Variants in MSR1 observed in about 807,000 individuals in gnomAD.
The protein encoded by MSR1 is macrophage scavenger receptor types I and II.
In MSR1, 53 loss-of-function variants were observed where a neutral mutation model predicts 47.2. That is an observed-to-expected ratio of 1.12 (90% CI 0.90 to 1.41). The LOEUF is 1.41. Among genes scored for constraint, MSR1 ranks in the 40% most tolerant of loss-of-function variants. The pLI is 0.00. For missense variants in MSR1, 786 were observed against 546.9 expected, an observed-to-expected ratio of 1.44 and a Z score of -4.36; for synonymous variants, 239 against 185.6, an observed-to-expected ratio of 1.29 and a Z score of -2.34.
rs1799687663 is a variant in MSR1 at position 16,108,629 on chromosome 8, T to TTCTC, written c.*1452_*1455dup. On this transcript the variant is annotated 3_prime_UTR_variant, in exon 10 of 10. Transcript: ENST00000262101. Reference sequence around the variant, plus strand: ...ACAGAAAGTGTACATTCAGAATTCATTCTCTTAACCACAAAATTATGCTGC... The same window carrying TTCTC: ...ACAGAAAGTGTACATTCAGAATTCATTCTCTCTCTTAACCACAAAATTATGCTGC... 6.6e-6 allele frequency: 1 copy of TTCTC among 152,166 alleles called. No homozygotes were observed. The highest frequency in any genetic ancestry group is 6.5e-5 in the Admixed American group (1 of 15,278). 9.4% of individuals were successfully genotyped at this position (152,166 alleles called of 1,614,324 possible).
rs762971317 is a variant in MSR1 at position 16,168,718 on chromosome 8, T to C, written c.370A>G (p.Arg124Gly). 1 of 1,614,196 alleles carries C rather than the reference T, an allele frequency of 6.2e-7. No individual in the cohort carries two copies. The highest frequency in any genetic ancestry group is 8.5e-7 in the Non-Finnish European group (1 of 1,180,024). ...TCCATGTCTAAAATATGCTGGATTCTCTTCTCCATGTTGCTCATGTGTTCC... is the reference window on the plus strand; with the variant it reads ...TCCATGTCTAAAATATGCTGGATTCCCTTCTCCATGTTGCTCATGTGTTCC... ...FMEHMSNMEK[R>G]IQHILDMEAN... Residue 124 changes from arginine to glycine, a missense_variant, in exon 4 of 10, where the codon AGA (arginine) becomes GGA (glycine). Coordinates refer to ENST00000262101, the MANE Select transcript of MSR1 (RefSeq NM_138715.3).
intron 1 of MSR1, among the ~76,000 whole-genome samples, chr8:16,189,475 A>AT (rs1554476529): frequency 3.4e-3 from 1 of 294 alleles, no homozygotes; most frequent in Non-Finnish European, 7.2e-3. Context: ...TATTTTATAT[A>AT]TTTTATATAT....
At chr8:16,139,268 CA>C in intron 8 of MSR1, 1 of 984,420 alleles carries the variant, frequency 1.0e-6, no homozygotes, top group Non-Finnish European at 1.2e-6. Context: ...TGCATTATAC[CA>C]GCGGGGAAAA....
intron 8 of MSR1, chr8:16,120,966 T>C (rs1158845515): frequency 3.1e-5 from 10 of 321,218 alleles, no homozygotes; most frequent in South Asian, 5.7e-5. Flanking sequence ...AAATGGTTCA[T>C]TATTTTCTTG....
At chr8:16,117,245 A>C (rs1026026197) in intron 9 of MSR1, among the ~76,000 whole-genome samples, 1 of 152,126 alleles carries the variant, frequency 6.6e-6, no homozygotes, top group African/African-American at 2.4e-5. Context: ...ATAGGAACAC[A>C]AACCGTATTG....
Position 16,164,197 on chromosome 8 carries a change from T to A in MSR1, c.685A>T (p.Met229Leu), listed in dbSNP as rs1801239903. The A allele has an allele frequency of 6.2e-7, 1 of 1,612,368 alleles. No homozygotes were observed. The highest frequency in any genetic ancestry group is 8.5e-7 in the Non-Finnish European group (1 of 1,179,106). The change falls in exon 5 of 10, where the codon ATG becomes TTG. Residue 229 changes from methionine to leucine, a missense_variant. Met to Leu is a conservative substitution (Grantham distance 15). Transcript: ENST00000262101. ...TCCAAATGCACTTGTTCTTCTTTCA[T>A]AGCCATAATTTCTGCTGATACATTG... ...VYNVSAEIMA[M>L]KEEQVHLEQE...
chr8:16,134,259 T>C (rs1248976170), intron 8 of MSR1, among the ~76,000 whole-genome samples: 1 of 152,174 alleles, frequency 6.6e-6, no homozygotes, highest in East Asian at 1.9e-4. Context: ...ACCTTATTGT[T>C]CTTAGTGCAT....
At chr8:16,133,243 T>C (rs1429813591) in intron 8 of MSR1, among the ~76,000 whole-genome samples, 2 of 152,206 alleles carry the variant, frequency 1.3e-5, no homozygotes, top group South Asian at 4.1e-4. Flanking sequence ...AGTCCATTCC[T>C]AAAGACCTGA....
At chr8:16,141,844 T>C (rs148947538) in intron 8 of MSR1, among the ~76,000 whole-genome samples, 1 of 152,154 alleles carries the variant, frequency 6.6e-6, no homozygotes, top group Admixed American at 6.5e-5. Flanking sequence ...TAGTTTCTTA[T>C]TTGCAAAACT....
At chr8:16,113,715 T>G (rs1257501986) in intron 9 of MSR1, among the ~76,000 whole-genome samples, 1 of 152,182 alleles carries the variant, frequency 6.6e-6, no homozygotes, top group Non-Finnish European at 1.5e-5. Flanking sequence ...AAGGCTAACA[T>G]AGCTTTAAGA....
chr8:16,125,851 C>T (rs1316884969), intron 8 of MSR1, among the ~76,000 whole-genome samples: 1 of 152,044 alleles, frequency 6.6e-6, no homozygotes, highest in Non-Finnish European at 1.5e-5. Flanking sequence ...ACTGCAGCCT[C>T]AAACTCCTGG....
At chr8:16,153,854 G>A (rs957826504) in intron 6 of MSR1, among the ~76,000 whole-genome samples, 2 of 152,064 alleles carry the variant, frequency 1.3e-5, no homozygotes, top group South Asian at 4.1e-4. Flanking sequence ...TGACATTAAT[G>A]CAGCATTGTT....
chr8:16,151,156 C>T (rs532987047), intron 6 of MSR1, among the ~76,000 whole-genome samples: 1 of 152,056 alleles, frequency 6.6e-6, no homozygotes, highest in Non-Finnish European at 1.5e-5. Flanking sequence ...CCCAGTCTCA[C>T]TTGATCCCAT....
chr8:16,173,562 T>C (rs1045101679), intron 3 of MSR1, among the ~76,000 whole-genome samples: 52 of 152,184 alleles, frequency 3.4e-4, no homozygotes, highest in African/African-American at 1.2e-3. Flanking sequence ...GTTGTTATGG[T>C]TGGATTTTTG....
At chr8:16,127,724 T>C (rs1204842368) in intron 8 of MSR1, among the ~76,000 whole-genome samples, 1 of 152,164 alleles carries the variant, frequency 6.6e-6, no homozygotes, top group Non-Finnish European at 1.5e-5. Flanking sequence ...GTCCAAATGA[T>C]TTACTTTGAA....
At position 16,180,922 on chromosome 8, in the gene MSR1, A is replaced by G. The variant is rs9650359; in HGVS notation, c.-4-2930T>C. On this transcript the variant is annotated intron_variant, in intron 1 of 9. Coordinates refer to ENST00000262101, the MANE Select transcript of MSR1 (RefSeq NM_138715.3). Reference sequence around the variant, plus strand: ...CACTGTGGAGAAAGGGAATGAAGGGAGGTAGGCATAGAACCCAAATCTTCT... The same window carrying G: ...CACTGTGGAGAAAGGGAATGAAGGGGGGTAGGCATAGAACCCAAATCTTCT... Among the ~76,000 whole-genome samples, 1,279 of 152,214 alleles carry G rather than the reference A, an allele frequency of 8.4e-3. 42 individuals carry two copies. In the East Asian group the frequency reaches 0.11, roughly 13 times the overall value.
At chr8:16,171,741 T>C (rs1265858163) in intron 3 of MSR1, among the ~76,000 whole-genome samples, 1 of 152,232 alleles carries the variant, frequency 6.6e-6, no homozygotes, top group Non-Finnish European at 1.5e-5. Context: ...GTTGTCCTTT[T>C]TTGATTATTA....
chr8:16,190,644 T>C (rs78575633), intron 1 of MSR1, among the ~76,000 whole-genome samples: 3,207 of 152,216 alleles, frequency 0.021, 104 homozygotes, highest in African/African-American at 0.073. Flanking sequence ...ACCATCTGTC[T>C]TTTCATACTT....
intron 8 of MSR1, among the ~76,000 whole-genome samples, chr8:16,141,930 A>G (rs1800567612): frequency 6.6e-6 from 1 of 152,218 alleles, no homozygotes; most frequent in South Asian, 2.1e-4. Flanking sequence ...AAATAAAGGC[A>G]GAGATAAAGA....
Sources: allele counts gnomAD v4.1 joint callset (sites outside exome capture counted in the v4.1 genomes callset), GRCh38; gene constraint gnomAD v4.1.1; transcripts MANE v1.5; gene names NCBI Gene and HGNC (gene_info 2026-07-23, HGNC 2026-07-21).